The following SCAI variants were observed in gnomAD, a reference collection of about 807,000 sequenced individuals.
SCAI encodes suppressor of cancer cell invasion.
SCAI carries 24 observed loss-of-function variants against 92.2 expected under a neutral mutation model. That is an observed-to-expected ratio of 0.26 (90% CI 0.19 to 0.37). SCAI has a LOEUF of 0.37. SCAI is among the 10% of genes least tolerant of loss of function. The probability of loss-of-function intolerance (pLI) is 1.00; values close to 1 mark genes in which losing one functional copy is unlikely to be tolerated. For missense variants in SCAI, 450 were observed against 736.2 expected (o/e 0.61, Z 4.50); for synonymous variants, 261 against 258.6 (o/e 1.01, Z -0.09).
intron 3 of SCAI, among the ~76,000 whole-genome samples, chr9:125,036,046 G>T (rs1833189641): frequency 6.6e-6 from 1 of 152,074 alleles, no homozygotes; most frequent in South Asian, 2.1e-4. Flanking sequence ...GCTACTATGG[G>T]GGCTGAGGCG....
intron 3 of SCAI, among the ~76,000 whole-genome samples, chr9:125,039,179 A>T (rs1833263429): frequency 6.6e-6 from 1 of 152,104 alleles, no homozygotes; most frequent in Non-Finnish European, 1.5e-5. Flanking sequence ...CAAGGTCAAG[A>T]GAGCAGACCA....
intron 9 of SCAI, among the ~76,000 whole-genome samples, chr9:125,007,789 C>A (rs1175287780): frequency 6.6e-6 from 1 of 151,982 alleles, no homozygotes; most frequent in African/African-American, 2.4e-5. Flanking sequence ...TCCCAAGCAG[C>A]TGGGACTAGA....
chr9:124,955,162 C>T (rs1409482951), intron 17 of SCAI, among the ~76,000 whole-genome samples: 3 of 137,752 alleles, frequency 2.2e-5, no homozygotes, highest in Non-Finnish European at 3.1e-5. Flanking sequence ...AGCGAGACTC[C>T]GTCTAAAAAA....
At chr9:125,005,437 T>C (rs1334798500) in intron 9 of SCAI, among the ~76,000 whole-genome samples, 1 of 152,194 alleles carries the variant, frequency 6.6e-6, no homozygotes, top group African/African-American at 2.4e-5. Flanking sequence ...GTTCAAGTGA[T>C]TCTCTTGCCT....
intron 6 of SCAI, among the ~76,000 whole-genome samples, chr9:125,023,698 C>T (rs1832913080): frequency 6.6e-6 from 1 of 151,986 alleles, no homozygotes; most frequent in Middle Eastern, 3.2e-3. Flanking sequence ...TTCTAAACTG[C>T]CACACAGTAC....
intron 9 of SCAI, among the ~76,000 whole-genome samples, chr9:125,016,387 C>CAATAAATAAATA (rs77877356): frequency 0.039 from 5,146 of 131,538 alleles, 150 homozygotes; most frequent in Admixed American, 0.081. Flanking sequence ...GACTCTGTCT[C>CAATAAATAAATA]AATAAATAAA....
chr9:125,142,647 T>G lies in SCAI; in HGVS notation c.84A>C (p.Arg28=). Residue 28 remains arginine, a synonymous_variant, in exon 2 of 18, where the codon CGA becomes CGC. Coordinates refer to ENST00000336505, the MANE Select transcript of SCAI (RefSeq NM_001144877.3). The stretch of plus-strand genomic sequence containing the variant: ...CACTGCCTTACCTGCTTCTCCGTTT[T>G]CGAGGCGGTTTCTCCACTGTGCCAG... The part of the protein sequence containing the change: ...RLTGTVEKPP[R]KRRSRTEFAL... The G allele has an allele frequency of 6.2e-7, 1 of 1,614,002 alleles. No individual in the cohort carries two copies. The highest frequency in any genetic ancestry group is 8.5e-7 in the Non-Finnish European group (1 of 1,179,906).
chr9:125,080,565 A>T (rs765773645), intron 2 of SCAI, among the ~76,000 whole-genome samples: 12 of 152,106 alleles, frequency 7.9e-5, no homozygotes, highest in Non-Finnish European at 1.8e-4. Context: ...TATCAGATCT[A>T]CCTCTCAAGG....
chr9:125,134,994 C>T (rs1588254262), intron 2 of SCAI, among the ~76,000 whole-genome samples: 1 of 152,078 alleles, frequency 6.6e-6, no homozygotes, highest in South Asian at 2.1e-4. Context: ...AATCTTAAAA[C>T]TCCTTTCAGT....
rs10541713 is a variant in SCAI at position 125,114,768 on chromosome 9, CTTTTT to C, written c.98+27860_98+27864del. Among the ~76,000 whole-genome samples the C allele has an allele frequency of 3.2e-3, 264 of 81,660 alleles. 3 individuals are homozygous for C. The highest frequency in any genetic ancestry group is 0.012 in the African/African-American group (219 of 18,684). 53.6% of individuals were successfully genotyped at this position (81,660 alleles called of 152,430 possible). A position where few individuals can be genotyped will look rare whatever the true frequency, so the allele number is the denominator to read the frequency against. ...TACAGGTGCGTGTCACCACACCCGG[CTTTTT>C]TTTTTTTTTTTTTTTTTTGAGAGGG... On this transcript the variant is annotated intron_variant, in intron 2 of 17. Coordinates refer to ENST00000336505, the MANE Select transcript of SCAI (RefSeq NM_001144877.3).
intron 2 of SCAI, among the ~76,000 whole-genome samples, chr9:125,100,522 C>A (rs1485694310): frequency 6.6e-6 from 1 of 152,180 alleles, no homozygotes; most frequent in African/African-American, 2.4e-5. Flanking sequence ...ACTATTCATT[C>A]TTTCAACAAT....
chr9:125,015,237 G>C (rs1832730803), intron 9 of SCAI, among the ~76,000 whole-genome samples: 1 of 152,126 alleles, frequency 6.6e-6, no homozygotes, highest in Non-Finnish European at 1.5e-5. Flanking sequence ...CCATCAGAAT[G>C]AACAGGCAAC....
At chr9:125,113,097 A>C (rs1006069296) in intron 2 of SCAI, among the ~76,000 whole-genome samples, 5 of 152,230 alleles carry the variant, frequency 3.3e-5, no homozygotes, top group South Asian at 4.1e-4. Context: ...TCACTCTTTA[A>C]GTGTGCACTG....
intron 2 of SCAI, among the ~76,000 whole-genome samples, chr9:125,112,081 T>C (rs1834941390): frequency 1.3e-5 from 2 of 152,250 alleles, no homozygotes; most frequent in South Asian, 4.1e-4. Context: ...GCGATAATAG[T>C]GCCTGTTCCC....
intron 2 of SCAI, among the ~76,000 whole-genome samples, chr9:125,084,063 C>G (rs1040129487): frequency 6.8e-6 from 1 of 148,052 alleles, no homozygotes. Context: ...TACGGAGGAA[C>G]GAGAGGGTCT....
At chr9:125,036,876 T>C (rs1017851051) in intron 3 of SCAI, among the ~76,000 whole-genome samples, 6 of 152,262 alleles carry the variant, frequency 3.9e-5, no homozygotes, top group African/African-American at 1.2e-4. Flanking sequence ...GTCCCAACAC[T>C]TGGGGAGGCT....
At chr9:125,036,106 C>T (rs1833190937) in intron 3 of SCAI, among the ~76,000 whole-genome samples, 1 of 151,926 alleles carries the variant, frequency 6.6e-6, no homozygotes, top group South Asian at 2.1e-4. Context: ...GCCATCATTG[C>T]ACCACTGCAC....
chr9:125,003,686 T>A (rs2131040416), intron 9 of SCAI, 116 bp from the exon 10 acceptor site: 1 of 645,902 alleles, frequency 1.5e-6, no homozygotes, highest in Non-Finnish European at 2.7e-6. Flanking sequence ...TTTGGGTACC[T>A]TTTTCTCTAA....
At chr9:125,057,328 G>C (rs1239653078) in intron 2 of SCAI, among the ~76,000 whole-genome samples, 1 of 152,180 alleles carries the variant, frequency 6.6e-6, no homozygotes, top group African/African-American at 2.4e-5. Flanking sequence ...ATAGAGAAAT[G>C]AGGGAAATCA....
Sources: allele counts gnomAD v4.1 joint callset (sites outside exome capture counted in the v4.1 genomes callset), GRCh38; gene constraint gnomAD v4.1.1; transcripts MANE v1.5; gene names NCBI Gene and HGNC (gene_info 2026-07-23, HGNC 2026-07-21).